The following HEMK2 variants were observed in gnomAD, a reference collection of about 807,000 sequenced individuals.
HEMK2 encodes HemK methyltransferase 2, ETF1 glutamine and histone H4 lysine.
the HEMK2 span, among the ~76,000 whole-genome samples, chr21:28,718,508 A>G: frequency 2.6e-5 from 4 of 152,138 alleles, no homozygotes; most frequent in Non-Finnish European, 5.9e-5. Flanking sequence ...CTGTCTAACA[A>G]TGTCAGTGGG....
the HEMK2 span, among the ~76,000 whole-genome samples, chr21:28,609,919 C>T: frequency 6.6e-6 from 1 of 152,006 alleles, no homozygotes; most frequent in Non-Finnish European, 1.5e-5. Flanking sequence ...GCTAAATGAC[C>T]AAAACTAAGA....
At chr21:28,697,377 G>T in the HEMK2 span, among the ~76,000 whole-genome samples, 1 of 152,142 alleles carries the variant, frequency 6.6e-6, no homozygotes. Flanking sequence ...CTTTACTCCA[G>T]TTCCCAACAG....
At chr21:28,703,813 T>C in the HEMK2 span, among the ~76,000 whole-genome samples, 1 of 152,238 alleles carries the variant, frequency 6.6e-6, no homozygotes, top group Admixed American at 6.5e-5. Flanking sequence ...TTGGATGCTC[T>C]GATTCAGAGT....
chr21:28,649,262 A>G, the HEMK2 span, among the ~76,000 whole-genome samples: 3 of 152,186 alleles, frequency 2.0e-5, no homozygotes, highest in African/African-American at 7.2e-5. Flanking sequence ...GAGGAAGCTC[A>G]TAAGTAGAAT....
At chr21:28,611,140 T>C in the HEMK2 span, among the ~76,000 whole-genome samples, 3 of 152,128 alleles carry the variant, frequency 2.0e-5, no homozygotes, top group Admixed American at 1.3e-4. Flanking sequence ...AGATAGACCA[T>C]ATGATAGGCC....
chr21:28,814,441 A>G, the HEMK2 span, among the ~76,000 whole-genome samples: 1 of 151,860 alleles, frequency 6.6e-6, no homozygotes, highest in Non-Finnish European at 1.5e-5. Context: ...CAGAGTGAAC[A>G]GGCAACCTAC....
At chr21:28,673,841 A>T in the HEMK2 span, among the ~76,000 whole-genome samples, 29 of 149,936 alleles carry the variant, frequency 1.9e-4, no homozygotes, top group Admixed American at 8.0e-4. Flanking sequence ...TATAATCAAC[A>T]ATGTCCTTCA....
the HEMK2 span, among the ~76,000 whole-genome samples, chr21:28,583,472 G>A: frequency 6.6e-6 from 1 of 152,206 alleles, no homozygotes; most frequent in Non-Finnish European, 1.5e-5. Context: ...CACTGAATGA[G>A]AAAGTCTGAG....
chr21:28,612,578 G>A, the HEMK2 span, among the ~76,000 whole-genome samples: 1 of 152,108 alleles, frequency 6.6e-6, no homozygotes, highest in African/African-American at 2.4e-5. Flanking sequence ...AGAAGTCCTA[G>A]CCAGAGCAAT....
At chr21:28,757,693 G>A in the HEMK2 span, among the ~76,000 whole-genome samples, 1 of 152,182 alleles carries the variant, frequency 6.6e-6, no homozygotes, top group African/African-American at 2.4e-5. Flanking sequence ...AAAGACTGCA[G>A]GGCCAGAAGA....
chr21:28,839,240 C>G, the HEMK2 span, among the ~76,000 whole-genome samples: 1 of 151,810 alleles, frequency 6.6e-6, no homozygotes, highest in Non-Finnish European at 1.5e-5. Context: ...TAAAAGCCAT[C>G]TACAACAAAC....
chr21:28,658,840 T>C, the HEMK2 span, among the ~76,000 whole-genome samples: 1 of 152,134 alleles, frequency 6.6e-6, no homozygotes, highest in Non-Finnish European at 1.5e-5. Flanking sequence ...GCACTTTACG[T>C]TAATTGCTAT....
chr21:28,782,595 T>C, the HEMK2 span, among the ~76,000 whole-genome samples: 1 of 152,174 alleles, frequency 6.6e-6, no homozygotes, highest in African/African-American at 2.4e-5. Context: ...CTATAACATA[T>C]GTAATAGGGA....
the HEMK2 span, among the ~76,000 whole-genome samples, chr21:28,727,069 T>C: frequency 2.6e-5 from 4 of 151,876 alleles, no homozygotes; most frequent in African/African-American, 9.7e-5. Context: ...AATCAAAGGA[T>C]GGAAGTAGGA....
chr21:28,854,092 C>T, the HEMK2 span, among the ~76,000 whole-genome samples: 68 of 152,220 alleles, frequency 4.5e-4, no homozygotes, highest in African/African-American at 1.5e-3. Context: ...AGACAGAATC[C>T]CTGAGTTCAT....
chr21:28,866,586 G>T, the HEMK2 span, among the ~76,000 whole-genome samples: 1 of 151,994 alleles, frequency 6.6e-6, no homozygotes, highest in South Asian at 2.1e-4. Flanking sequence ...AGCTACTCCA[G>T]AGGCTTGTGT....
At chr21:28,770,922 C>T in the HEMK2 span, among the ~76,000 whole-genome samples, 1 of 152,080 alleles carries the variant, frequency 6.6e-6, no homozygotes, top group Non-Finnish European at 1.5e-5. Context: ...CAATTCTCTA[C>T]CTCTTTCTCC....
chr21:28,686,063 G>T, the HEMK2 span, among the ~76,000 whole-genome samples: 1 of 152,174 alleles, frequency 6.6e-6, no homozygotes, highest in African/African-American at 2.4e-5. Flanking sequence ...CTATATTAGT[G>T]AGTGTTCAAG....
At chr21:28,731,204 G>A in the HEMK2 span, among the ~76,000 whole-genome samples, 1 of 152,096 alleles carries the variant, frequency 6.6e-6, no homozygotes, top group African/African-American at 2.4e-5. Context: ...ATGAGAACCC[G>A]CTAATTCTCA....
Sources: gnomAD v4.1 joint callset for allele counts (sites outside exome capture counted in the v4.1 genomes callset) on GRCh38, gnomAD v4.1.1 for gene constraint, MANE v1.5 for transcripts, NCBI Gene and HGNC (gene_info 2026-07-23, HGNC 2026-07-21) for gene names.